Variants in MARCHF10 observed in about 807,000 individuals in gnomAD.
MARCHF10 encodes the protein probable E3 ubiquitin-protein ligase MARCHF10.
In MARCHF10, 64 loss-of-function variants were observed where a neutral mutation model predicts 76.2. The observed-to-expected ratio is 0.84, with a 90% confidence interval of 0.69 to 1.03. The LOEUF is 1.03. Ranked by LOEUF, MARCHF10 falls within the 50% of genes least tolerant of loss-of-function variation. The probability of loss-of-function intolerance (pLI) is 0.00; values close to 1 mark genes in which losing one functional copy is unlikely to be tolerated. For missense variants in MARCHF10, 875 were observed against 958.0 expected, an observed-to-expected ratio of 0.91 and a Z score of 1.14; for synonymous variants, 340 against 357.5, an observed-to-expected ratio of 0.95 and a Z score of 0.55.
In MARCHF10 at chr17:62,738,060, T is replaced by TCACACACAAACACA. The variant is rs2091356477; in HGVS notation, c.536-729_536-728insTGTGTTTGTGTGTG. 3 of 127,312 alleles carry TCACACACAAACACA rather than the reference T, an allele frequency of 2.4e-5. No individual in the cohort carries two copies. The highest frequency in any genetic ancestry group is 9.4e-5 in the African/African-American group (3 of 31,910). The allele number at this position is 127,312 out of a possible 1,614,324, so 7.9% of individuals were successfully genotyped here. A position where few individuals can be genotyped will look rare whatever the true frequency, so the allele number is the denominator to read the frequency against. Reference sequence around the variant, plus strand: ...AACTGTCTCTCTCTGTCTCTCTCTGTCACACACACACACACACACACACAC... The same window carrying TCACACACAAACACA: ...AACTGTCTCTCTCTGTCTCTCTCTGTCACACACAAACACACACACACACACACACACACACACAC... On this transcript the variant is annotated intron_variant, in intron 5 of 10. Coordinates refer to ENST00000311269, the MANE Select transcript of MARCHF10 (RefSeq NM_152598.4). This position sits in a 1 kb window ranked among gnomAD's most constrained non-coding sequence, Gnocchi z 4.0.
At chr17:62,754,315 C>T (rs114839858) in intron 4 of MARCHF10, among the ~76,000 whole-genome samples, 4,755 of 152,278 alleles carry the variant, frequency 0.031, 240 homozygotes, top group African/African-American at 0.11. Flanking sequence ...TCAGGTGATC[C>T]GCTTGCCTTG....
intron 9 of MARCHF10, chr17:62,707,570 G>A (rs559006705): frequency 1.3e-5 from 2 of 152,258 alleles, no homozygotes; most frequent in African/African-American, 4.8e-5. Flanking sequence ...CGAGGCCTCA[G>A]AAGCATTGGC....
chr17:62,729,922 G>A (rs776972924), intron 6 of MARCHF10, among the ~76,000 whole-genome samples: 9 of 152,184 alleles, frequency 5.9e-5, no homozygotes, highest in African/African-American at 7.2e-5. Context: ...AGTGGCTCAC[G>A]CCTGTAATCC....
In MARCHF10 at chr17:62,736,148, C is replaced by A; in HGVS notation, c.1720G>T (p.Asp574Tyr). ...LNPQGNLSLV[D>Y]SSSSSPSRMN... ...CTTGATGGAGAGGAGCTGGAAGAAT[C>A]CACTAAGGACAAATTGCCCTGTGGA... Residue 574 changes from aspartate (D) to tyrosine (Y), a missense_variant, in exon 6 of 11, where the codon GAT becomes TAT. Transcript: ENST00000311269. 1 of 1,614,174 alleles carries A rather than the reference C, an allele frequency of 6.2e-7. No homozygotes were observed. The highest frequency in any genetic ancestry group is 1.3e-5 in the African/African-American group (1 of 75,050).
At chr17:62,780,716 T>C (rs1426410319) in intron 3 of MARCHF10, among the ~76,000 whole-genome samples, 1 of 152,198 alleles carries the variant, frequency 6.6e-6, no homozygotes. Flanking sequence ...ATGAAGTAAA[T>C]GCAGTGAGAA....
At chr17:62,779,586 C>T (rs765532553) in intron 3 of MARCHF10, among the ~76,000 whole-genome samples, 27 of 152,168 alleles carry the variant, frequency 1.8e-4, no homozygotes, top group Non-Finnish European at 2.8e-4. Context: ...CCAGCCTCCA[C>T]GGACAGCTGA....
chr17:62,797,955 G>A (rs2093012360), intron 2 of MARCHF10, among the ~76,000 whole-genome samples: 1 of 152,170 alleles, frequency 6.6e-6, no homozygotes, highest in Non-Finnish European at 1.5e-5. Flanking sequence ...GGATGAGGAG[G>A]GAGAGGAAGA....
chr17:62,805,251 T>G (rs2093145217), intron 1 of MARCHF10, among the ~76,000 whole-genome samples: 1 of 152,238 alleles, frequency 6.6e-6, no homozygotes, highest in Non-Finnish European at 1.5e-5. Context: ...GCTTTTCATC[T>G]GAATGTGTAC....
chr17:62,783,520 A>C (rs2092698274), intron 3 of MARCHF10, among the ~76,000 whole-genome samples: 1 of 152,206 alleles, frequency 6.6e-6, no homozygotes, highest in South Asian at 2.1e-4. Context: ...AGAAATAACT[A>C]AGATGAGAGC....
chr17:62,735,838 A>G (rs2091237555), intron 6 of MARCHF10, 93 bp downstream of exon 6: 1 of 1,202,592 alleles, frequency 8.3e-7, no homozygotes, highest in Non-Finnish European at 1.2e-6. Context: ...GGACCCATTT[A>G]TGACTTAAAA....
rs1346271638 is a variant in MARCHF10 at position 62,788,558 on chromosome 17, C to T, written c.132G>A (p.Glu44=). ...RRQEYRRDPN[E]KKRDQFWGQE... is the part of the protein sequence containing the mutation. ...GCCCCCAAAACTGATCGCGTTTCTTCTCATTTGGGTCTCTTCTATATTCCT... is the reference window on the plus strand; with the variant it reads ...GCCCCCAAAACTGATCGCGTTTCTTTTCATTTGGGTCTCTTCTATATTCCT... Residue 44 remains glutamate (E), a synonymous_variant, in exon 3 of 11, where the codon GAG becomes GAA. Coordinates refer to ENST00000311269, the MANE Select transcript of MARCHF10 (RefSeq NM_152598.4). 1 of 1,614,144 alleles carries T rather than the reference C, an allele frequency of 6.2e-7. No homozygotes were observed. Among genetic ancestry groups the T allele is most frequent in the Non-Finnish European group, 8.5e-7 (1 of 1,180,022 alleles).
chr17:62,733,685 G>C (rs1046319332), intron 6 of MARCHF10, among the ~76,000 whole-genome samples: 1 of 152,178 alleles, frequency 6.6e-6, no homozygotes, highest in Non-Finnish European at 1.5e-5. Flanking sequence ...GGACACGAAT[G>C]TCCATTGACA....
intron 8 of MARCHF10, among the ~76,000 whole-genome samples, chr17:62,715,522 G>T (rs57352577): frequency 6.6e-6 from 1 of 152,100 alleles, no homozygotes; most frequent in Non-Finnish European, 1.5e-5. Flanking sequence ...GCCCTCCACC[G>T]CAAAACCGAG....
intron 4 of MARCHF10, chr17:62,746,877 G>A (rs1334156393): frequency 6.5e-7 from 1 of 1,535,594 alleles, no homozygotes; most frequent in South Asian, 1.2e-5. Context: ...TCACAGGGAG[G>A]GATGCTTCTG....
chr17:62,735,568 A>T (rs1463939099), intron 6 of MARCHF10: 1 of 215,714 alleles, frequency 4.6e-6, no homozygotes, highest in Non-Finnish European at 8.9e-6. Context: ...GGACTGGTTC[A>T]TTCTCTAGGG....
chr17:62,734,091 C>T (rs1400267421), intron 6 of MARCHF10, among the ~76,000 whole-genome samples: 2 of 151,642 alleles, frequency 1.3e-5, no homozygotes, highest in African/African-American at 4.8e-5. Flanking sequence ...GGCTGAGGCA[C>T]GAGAATTGCT....
At chr17:62,792,724 CCACCACCAT>C (rs377271150) in intron 2 of MARCHF10, among the ~76,000 whole-genome samples, 16 of 149,116 alleles carry the variant, frequency 1.1e-4, no homozygotes, top group African/African-American at 4.0e-4. Flanking sequence ...ATCACCACCA[CCACCACCAT>C]CACCACCACC....
At chr17:62,800,181 T>C (rs2093048360) in intron 2 of MARCHF10, among the ~76,000 whole-genome samples, 1 of 152,174 alleles carries the variant, frequency 6.6e-6, no homozygotes, top group Non-Finnish European at 1.5e-5. Context: ...AGATATTGGC[T>C]GAATGAATGA....
intron 3 of MARCHF10, among the ~76,000 whole-genome samples, chr17:62,767,686 A>C (rs1179161928): frequency 2.0e-5 from 3 of 152,018 alleles, no homozygotes; most frequent in African/African-American, 7.2e-5. Context: ...ACTGACCTCA[A>C]GTGATCCACC....
Sources: allele counts gnomAD v4.1 joint callset (sites outside exome capture counted in the v4.1 genomes callset), GRCh38; gene constraint gnomAD v4.1.1; non-coding constraint Gnocchi (gnomAD v3.1); transcripts MANE v1.5; gene names NCBI Gene and HGNC (gene_info 2026-07-23, HGNC 2026-07-21).